ATP8A2: variants seen among roughly 807,000 people sequenced by gnomAD.
ATP8A2 encodes the protein phospholipid-transporting ATPase IB.
A neutral mutation model predicts 165.6 loss-of-function variants in ATP8A2; 100 were observed. The observed-to-expected ratio is 0.60, with a 90% confidence interval of 0.51 to 0.71. The LOEUF (loss-of-function observed/expected upper bound fraction) is 0.71, where lower values mean the gene tolerates loss of function less well. Among genes scored for constraint, ATP8A2 ranks in the 30% least tolerant of loss-of-function variants. The pLI, the probability that ATP8A2 is intolerant of heterozygous loss-of-function variation, is 0.00. For synonymous variants in ATP8A2, 543 were observed against 548.8 expected (o/e 0.99, Z 0.15); for missense variants, 1,227 against 1,479.5 (o/e 0.83, Z 2.80).
chr13:25,885,271 C>T (rs1953109761), intron 33 of ATP8A2, among the ~76,000 whole-genome samples: 1 of 136,680 alleles, frequency 7.3e-6, no homozygotes. Context: ...CACCAGCATG[C>T]CTGGCTAATT....
chr13:25,922,635 A>G (rs1954491355), intron 33 of ATP8A2, among the ~76,000 whole-genome samples: 1 of 152,192 alleles, frequency 6.6e-6, no homozygotes, highest in South Asian at 2.1e-4. Context: ...CTCTTCGGAG[A>G]GCACAAGGCA....
At chr13:25,504,709 C>T (rs1314006638) in intron 2 of ATP8A2, among the ~76,000 whole-genome samples, 4 of 134,032 alleles carry the variant, frequency 3.0e-5, no homozygotes, top group Admixed American at 8.3e-5. Context: ...CACTGCAGTC[C>T]GCAGTCCGGC....
chr13:25,657,055 A>C (rs1248717646), intron 24 of ATP8A2, among the ~76,000 whole-genome samples: 5 of 4,394 alleles, frequency 1.1e-3, no homozygotes, highest in African/African-American at 2.0e-3. Flanking sequence ...TCTGTCTCAA[A>C]AAAAAAAAAA....
chr13:25,539,887 A>C (rs1004639656), intron 7 of ATP8A2, among the ~76,000 whole-genome samples: 6 of 152,214 alleles, frequency 3.9e-5, no homozygotes, highest in Non-Finnish European at 1.5e-5. Flanking sequence ...TCGATCCTTC[A>C]ACTCCTCTGG....
chr13:25,561,093 G>A (rs2039138098), intron 15 of ATP8A2, among the ~76,000 whole-genome samples: 1 of 152,018 alleles, frequency 6.6e-6, no homozygotes, highest in South Asian at 2.1e-4. Context: ...CACCGTGTTA[G>A]CCAGGATGGT....
intron 1 of ATP8A2, among the ~76,000 whole-genome samples, chr13:25,425,213 G>T (rs1222244754): frequency 6.6e-6 from 1 of 152,050 alleles, no homozygotes; most frequent in African/African-American, 2.4e-5. Flanking sequence ...ACTATCATTA[G>T]AGCACTTGGG....
At chr13:25,394,718 A>T (rs1448987181) in intron 1 of ATP8A2, among the ~76,000 whole-genome samples, 3 of 152,226 alleles carry the variant, frequency 2.0e-5, no homozygotes, top group Non-Finnish European at 2.9e-5. Flanking sequence ...GGAAAAAAAA[A>T]GGCTTACTGT....
At chr13:25,801,278 C>G (rs187731261) in intron 27 of ATP8A2, among the ~76,000 whole-genome samples, 12 of 152,268 alleles carry the variant, frequency 7.9e-5, no homozygotes, top group Admixed American at 5.9e-4. Flanking sequence ...TTCAACAAGT[C>G]TTATGGGCTG....
intron 1 of ATP8A2, among the ~76,000 whole-genome samples, chr13:25,418,867 G>A (rs2034212295): frequency 6.6e-6 from 1 of 152,174 alleles, no homozygotes. Flanking sequence ...CAGTCAGTTT[G>A]TAAGAGGGAA....
chr13:25,443,045 T>C (rs1394333762), intron 1 of ATP8A2, among the ~76,000 whole-genome samples: 1 of 152,248 alleles, frequency 6.6e-6, no homozygotes, highest in Non-Finnish European at 1.5e-5. Flanking sequence ...TTTTTGAACT[T>C]TGATGAAGTC....
In ATP8A2 at chr13:25,927,916, G is replaced by A. The variant is rs73472949; in HGVS notation, c.3184-33659G>A. The stretch of plus-strand genomic sequence containing the variant: ...TTTGCTTCAAACATTTTACATTGCC[G>A]AAGATGGCTTTGAAAGCAGAACACC... On this transcript the variant is annotated intron_variant, in intron 33 of 36. Transcript: ENST00000381655. 3.1e-3 allele frequency among the ~76,000 whole-genome samples: 478 copies of A among 152,340 alleles called. 2 individuals carry two copies. Among genetic ancestry groups the A allele is most frequent in the African/African-American group, 0.011 (454 of 41,590 alleles).
chr13:25,910,260 T>C (rs1954062802), intron 33 of ATP8A2, among the ~76,000 whole-genome samples: 1 of 152,234 alleles, frequency 6.6e-6, no homozygotes, highest in Admixed American at 6.5e-5. Context: ...AATACTTGAA[T>C]GGGTATAGGC....
At chr13:25,384,055 G>A (rs764233043) in intron 1 of ATP8A2, among the ~76,000 whole-genome samples, 7 of 152,062 alleles carry the variant, frequency 4.6e-5, no homozygotes, top group East Asian at 1.9e-4. Flanking sequence ...CCCTAAAAAC[G>A]CTTTCATGTC....
chr13:25,657,378 C>G (rs569422947), intron 24 of ATP8A2, among the ~76,000 whole-genome samples: 1 of 152,254 alleles, frequency 6.6e-6, no homozygotes, highest in Non-Finnish European at 1.5e-5. Context: ...GGTCCCTCTC[C>G]GTGAAGCAGG....
At chr13:25,609,568 A>AATATATATATATATATTTGGGTTCAAAT (rs145694634) in intron 24 of ATP8A2, among the ~76,000 whole-genome samples, 27 of 35,454 alleles carry the variant, frequency 7.6e-4, no homozygotes, top group South Asian at 4.8e-3. Context: ...TTTGGATTCA[A>AATATATATATATATATTTGGGTTCAAAT]ATATATATAT....
At chr13:25,382,844 C>T (rs886772045) in intron 1 of ATP8A2, among the ~76,000 whole-genome samples, 84 of 151,888 alleles carry the variant, frequency 5.5e-4, no homozygotes, top group Admixed American at 1.4e-3. Flanking sequence ...CAAGCTCCGC[C>T]TCCCGGGTTC....
At chr13:25,892,470 G>GTCTCTCTGTCTCTCTC (rs1953395980) in intron 33 of ATP8A2, among the ~76,000 whole-genome samples, 1 of 115,066 alleles carries the variant, frequency 8.7e-6, no homozygotes, top group African/African-American at 5.1e-5. Flanking sequence ...CTCTCTCTCT[G>GTCTCTCTGTCTCTCTC]TCTCTCTGTC....
At chr13:25,653,471 G>A (rs1015635108) in intron 24 of ATP8A2, among the ~76,000 whole-genome samples, 2 of 152,080 alleles carry the variant, frequency 1.3e-5, no homozygotes, top group Non-Finnish European at 2.9e-5. Context: ...GTGAGAGGAA[G>A]GACAGGATCA....
intron 25 of ATP8A2, among the ~76,000 whole-genome samples, chr13:25,711,731 C>A (rs753945277): frequency 1.3e-5 from 2 of 152,112 alleles, no homozygotes; most frequent in African/African-American, 2.4e-5. Flanking sequence ...AAAAGTTGGA[C>A]TGAATTTCCA....
Sources: allele counts gnomAD v4.1 joint callset (sites outside exome capture counted in the v4.1 genomes callset), GRCh38; gene constraint gnomAD v4.1.1; transcripts MANE v1.5; gene names NCBI Gene and HGNC (gene_info 2026-07-23, HGNC 2026-07-21).